PREX2: variants seen among roughly 807,000 people sequenced by gnomAD.
PREX2 encodes phosphatidylinositol 3,4,5-trisphosphate-dependent Rac exchanger 2 protein.
Under a neutral mutation model 203.2 loss-of-function variants are expected in PREX2, and 107 were observed. The observed-to-expected ratio is 0.53, with a 90% CI of 0.45 to 0.62. The LOEUF (loss-of-function observed/expected upper bound fraction) is 0.62. PREX2 is among the 20% of genes least tolerant of loss of function. PREX2 has a pLI of 0.00. For synonymous variants in PREX2, 672 were observed against 663.6 expected, an observed-to-expected ratio of 1.01 and a Z score of -0.19; for missense variants, 1,777 against 1,955.9, an observed-to-expected ratio of 0.91 and a Z score of 1.72.
chr8:68,022,380 T>G (rs1360402745), intron 4 of PREX2, among the ~76,000 whole-genome samples: 1 of 152,118 alleles, frequency 6.6e-6, no homozygotes, highest in South Asian at 2.1e-4. Flanking sequence ...ACCCCACAGG[T>G]TCCTAGCGAG....
intron 1 of PREX2, among the ~76,000 whole-genome samples, chr8:67,966,676 A>G (rs1039391865): frequency 6.6e-6 from 1 of 152,218 alleles, no homozygotes; most frequent in African/African-American, 2.4e-5. Context: ...ATTAATGTGC[A>G]AAACCAACTT....
chr8:68,175,711 A>G (rs1055198709), intron 35 of PREX2, among the ~76,000 whole-genome samples: 1 of 152,162 alleles, frequency 6.6e-6, no homozygotes, highest in African/African-American at 2.4e-5. Flanking sequence ...TCACATGGTC[A>G]GGGAAGAAGG....
chr8:68,231,369 A>G lies in PREX2; in HGVS notation c.4812A>G (p.Gly1604=), dbSNP rs764683909. ...YKLCEPPPPA[G]EE ...TGTGCGAGCCACCTCCCCCAGCTGG[A>G]GAAGAATGAAAAGAACTCCCAAGAA... The change falls in exon 40 of 40, where the codon GGA becomes GGG. Residue 1604 remains glycine (G), a synonymous_variant. Transcript: ENST00000288368. The G allele has an allele frequency of 6.3e-7, 1 of 1,599,664 alleles. No individual in the cohort carries two copies. Among genetic ancestry groups the G allele is most frequent in the Non-Finnish European group, 8.5e-7 (1 of 1,173,876 alleles).
rs1157280447 is a variant in PREX2 at position 68,062,005 on chromosome 8, G to A, written c.1339+1226G>A. On this transcript the variant is annotated intron_variant, in intron 11 of 39. Transcript: ENST00000288368. ...GGATGTTTGGCTATGGTATTTTGAT[G>A]TTCATTTCCTTTCTTAGATACTGTG... 1.3e-5 allele frequency among the ~76,000 whole-genome samples: 2 copies of A among 152,086 alleles called. 1 individual carries two copies. The highest frequency in any genetic ancestry group is 4.8e-5 in the African/African-American group (2 of 41,410).
intron 1 of PREX2, among the ~76,000 whole-genome samples, chr8:67,975,694 CTTTTTTTTTTTTTT>C (rs67614434): frequency 1.3e-5 from 1 of 74,990 alleles, no homozygotes; most frequent in Non-Finnish European, 2.3e-5. Flanking sequence ...ATTTCTCTTT[CTTTTTTTTTTTTTT>C]TTTTTTTTTT....
rs764181135 is a variant in PREX2, at chr8:68,109,555, T to C, written c.3078T>C (p.Tyr1026=). ...AAGACTTAGAAACCCAAGACATCTATCAGAAACTGCTGGGCAAACTTCAGA... is the reference window on the plus strand; with the variant it reads ...AAGACTTAGAAACCCAAGACATCTACCAGAAACTGCTGGGCAAACTTCAGA... The part of the protein sequence containing the change: ...KEEDLETQDI[Y]QKLLGKLQTA... Residue 1026 remains tyrosine, a synonymous_variant, in exon 25 of 40, where the codon TAT becomes TAC. Coordinates refer to ENST00000288368, the MANE Select transcript of PREX2 (RefSeq NM_024870.4). 6.2e-7 allele frequency: 1 copy of C among 1,613,980 alleles called. No individual in the cohort carries two copies. Among genetic ancestry groups the C allele is most frequent in the Non-Finnish European group, 8.5e-7 (1 of 1,179,900 alleles).
At chr8:67,961,280 T>G (rs1805626216) in intron 1 of PREX2, among the ~76,000 whole-genome samples, 1 of 152,024 alleles carries the variant, frequency 6.6e-6, no homozygotes, top group African/African-American at 2.4e-5. Context: ...TCTTTAAACA[T>G]TTTATTTATA....
chr8:68,106,209 T>C (rs1019916557), intron 23 of PREX2: 7 of 438,748 alleles, frequency 1.6e-5, no homozygotes, highest in Non-Finnish European at 3.1e-5. Context: ...CCTAATAACA[T>C]TGATTTCAGT....
At chr8:68,080,867 T>C (rs1432460337) in intron 17 of PREX2, 29 bp downstream of exon 17, 1 of 1,185,198 alleles carries the variant, frequency 8.4e-7, no homozygotes, top group Non-Finnish European at 1.2e-6. Flanking sequence ...TTAATTTAAA[T>C]TTGTTATCAT....
intron 38 of PREX2, among the ~76,000 whole-genome samples, chr8:68,218,145 A>G (rs558154466): frequency 2.0e-5 from 3 of 152,314 alleles, no homozygotes; most frequent in African/African-American, 7.2e-5. Context: ...GCCAAGGGAC[A>G]TTCATGCCAT....
At chr8:68,025,975 A>C (rs145605409) in intron 4 of PREX2, among the ~76,000 whole-genome samples, 36 of 152,144 alleles carry the variant, frequency 2.4e-4, no homozygotes, top group African/African-American at 7.7e-4. Context: ...AGATGCTAAC[A>C]TACTGGAATG....
chr8:68,014,046 G>A (rs1020114667), intron 1 of PREX2, among the ~76,000 whole-genome samples: 66 of 152,310 alleles, frequency 4.3e-4, no homozygotes, highest in African/African-American at 1.5e-3. Context: ...CATTTTGTAT[G>A]TTGAAATTAT....
intron 33 of PREX2, among the ~76,000 whole-genome samples, chr8:68,139,219 T>C (rs1811171845): frequency 6.6e-6 from 1 of 152,138 alleles, no homozygotes; most frequent in Admixed American, 6.5e-5. Flanking sequence ...AGGATACCAA[T>C]GAAGGGGCAG....
At chr8:68,194,383 G>A (rs192389255) in intron 37 of PREX2, among the ~76,000 whole-genome samples, 2 of 152,104 alleles carry the variant, frequency 1.3e-5, no homozygotes, top group African/African-American at 4.8e-5. Context: ...AGGAAGATAG[G>A]GTAGAGAAAA....
chr8:68,046,454 T>A (rs1808354317), intron 8 of PREX2, among the ~76,000 whole-genome samples: 4 of 152,012 alleles, frequency 2.6e-5, no homozygotes. Flanking sequence ...GCACAGATGG[T>A]TCTTGGATTC....
intron 25 of PREX2, among the ~76,000 whole-genome samples, chr8:68,115,462 A>T (rs1377155243): frequency 6.6e-6 from 1 of 152,198 alleles, no homozygotes. Context: ...TCTCCATTTC[A>T]CAAGTGTCAA....
At chr8:68,101,659 T>G (rs1810267918) in intron 23 of PREX2, among the ~76,000 whole-genome samples, 1 of 152,184 alleles carries the variant, frequency 6.6e-6, no homozygotes, top group African/African-American at 2.4e-5. Flanking sequence ...AAATCAGTAT[T>G]CTCCTTTCGA....
At chr8:68,223,535 T>G (rs1367392506) in intron 38 of PREX2, 2 of 152,198 alleles carry the variant, frequency 1.3e-5, no homozygotes, top group African/African-American at 4.8e-5. Context: ...TTTACGTCCT[T>G]TTTTTCCTTC....
At chr8:68,218,493 T>C (rs1422138286) in intron 38 of PREX2, among the ~76,000 whole-genome samples, 1 of 152,226 alleles carries the variant, frequency 6.6e-6, no homozygotes, top group Non-Finnish European at 1.5e-5. Context: ...CCACCTTTTC[T>C]TTGGGCTACC....
Sources: gnomAD v4.1 joint callset for allele counts (sites outside exome capture counted in the v4.1 genomes callset) on GRCh38, gnomAD v4.1.1 for gene constraint, MANE v1.5 for transcripts, NCBI Gene and HGNC (gene_info 2026-07-23, HGNC 2026-07-21) for gene names.